The following R3HDM1 variants were observed in gnomAD, a reference collection of about 807,000 sequenced individuals.
The protein encoded by R3HDM1 is R3H domain containing 1, also known as R3H domain-containing protein 1.
A neutral mutation model predicts 141.1 loss-of-function variants in R3HDM1; 46 were observed. The observed-to-expected ratio is 0.33, with a 90% CI of 0.26 to 0.42. The LOEUF is 0.42. Among genes scored for constraint, R3HDM1 ranks in the 10% least tolerant of loss-of-function variants. The probability of loss-of-function intolerance (pLI) is 1.00; values close to 1 mark genes in which losing one functional copy is unlikely to be tolerated. For synonymous variants in R3HDM1, 435 were observed against 472.9 expected, an observed-to-expected ratio of 0.92 and a Z score of 1.04; for missense variants, 1,184 against 1,368.3, an observed-to-expected ratio of 0.87 and a Z score of 2.12.
chr2:135,603,093 T>C (rs981972405), intron 2 of R3HDM1, among the ~76,000 whole-genome samples: 2 of 152,172 alleles, frequency 1.3e-5, no homozygotes, highest in Admixed American at 6.5e-5. Context: ...GCAATTCTCC[T>C]GCCTCAGCCT....
intron 2 of R3HDM1, among the ~76,000 whole-genome samples, chr2:135,604,274 T>C (rs1164664129): frequency 6.6e-6 from 1 of 152,216 alleles, no homozygotes; most frequent in African/African-American, 2.4e-5. Context: ...ATTTTAGGAA[T>C]CCAGATGAAA....
intron 11 of R3HDM1, among the ~76,000 whole-genome samples, chr2:135,637,848 G>A (rs1574578515): frequency 6.6e-6 from 1 of 152,030 alleles, no homozygotes; most frequent in Non-Finnish European, 1.5e-5. Context: ...TTCTGTAAAG[G>A]TCAGATAATA....
chr2:135,650,560 C>T (rs1354922352), intron 17 of R3HDM1: 1 of 982,464 alleles, frequency 1.0e-6, no homozygotes, highest in African/African-American at 1.7e-5. Flanking sequence ...TCCAAGGTGA[C>T]TCTGAGAGTG....
chr2:135,546,258 A>G (rs2104911669), intron 1 of R3HDM1, among the ~76,000 whole-genome samples: 1 of 152,280 alleles, frequency 6.6e-6, no homozygotes, highest in East Asian at 1.9e-4. Context: ...GGAAGGCGAT[A>G]GGCAGGGGAG....
At chr2:135,665,798 G>C (rs1283172637) in intron 19 of R3HDM1, among the ~76,000 whole-genome samples, 1 of 152,066 alleles carries the variant, frequency 6.6e-6, no homozygotes, top group South Asian at 2.1e-4. Context: ...TCTCCCTATT[G>C]CTACACAACT....
intron 2 of R3HDM1, among the ~76,000 whole-genome samples, chr2:135,604,050 T>G (rs1215792786): frequency 6.6e-6 from 1 of 152,240 alleles, no homozygotes; most frequent in Non-Finnish European, 1.5e-5. Flanking sequence ...TCTTATGTAT[T>G]TGATTTCCTG....
At chr2:135,657,431 C>A (rs1269728979) in intron 18 of R3HDM1, among the ~76,000 whole-genome samples, 4 of 150,440 alleles carry the variant, frequency 2.7e-5, no homozygotes, top group Non-Finnish European at 1.5e-5. Flanking sequence ...AAAAAAGATA[C>A]GTTTTTTAAT....
chr2:135,652,879 G>A (rs183098915), intron 18 of R3HDM1, among the ~76,000 whole-genome samples: 39 of 151,888 alleles, frequency 2.6e-4, no homozygotes, highest in South Asian at 8.3e-4. Context: ...CTTTGTTTCC[G>A]TTTCATGTTT....
intron 22 of R3HDM1, 44 bp from the exon 23 acceptor site, chr2:135,710,015 T>C: frequency 6.4e-7 from 1 of 1,559,108 alleles, no homozygotes; most frequent in Non-Finnish European, 8.7e-7. Flanking sequence ...ACCAACTAGT[T>C]GCTAAAATAT....
intron 21 of R3HDM1, among the ~76,000 whole-genome samples, chr2:135,702,985 G>A (rs555439445): frequency 6.6e-6 from 1 of 152,040 alleles, no homozygotes; most frequent in African/African-American, 2.4e-5. Flanking sequence ...CTGCTAATAC[G>A]CTGCTTGATG....
intron 6 of R3HDM1, 110 bp downstream of exon 6, chr2:135,621,718 A>G: frequency 7.4e-7 from 1 of 1,342,372 alleles, no homozygotes. Flanking sequence ...ATGACACAGA[A>G]CAGACTGGAA....
chr2:135,594,692 AATGT>A (rs1710165493), intron 1 of R3HDM1, among the ~76,000 whole-genome samples: 1 of 152,178 alleles, frequency 6.6e-6, no homozygotes. Context: ...ATCTTAGGAT[AATGT>A]ATACATTTCA....
chr2:135,559,082 T>C (rs1410253465), intron 1 of R3HDM1: 3 of 953,670 alleles, frequency 3.1e-6, no homozygotes, highest in African/African-American at 1.8e-5. Context: ...TGTGTGTGTG[T>C]GTGTGTGTGT....
intron 18 of R3HDM1, among the ~76,000 whole-genome samples, chr2:135,657,010 G>T (rs561958518): frequency 2.6e-5 from 4 of 152,012 alleles, no homozygotes; most frequent in South Asian, 2.1e-4. Flanking sequence ...TGAGGCACAA[G>T]AATTGCTTGA....
At chr2:135,626,882 G>C (rs1391971606) in intron 7 of R3HDM1, among the ~76,000 whole-genome samples, 1 of 152,044 alleles carries the variant, frequency 6.6e-6, no homozygotes, top group Non-Finnish European at 1.5e-5. Context: ...CCCTGTTCTG[G>C]ACATCTCATA....
At chr2:135,549,669 A>G (rs569528571) in intron 1 of R3HDM1, among the ~76,000 whole-genome samples, 20 of 151,778 alleles carry the variant, frequency 1.3e-4, no homozygotes, top group African/African-American at 4.8e-4. Flanking sequence ...AGTTCCTTTT[A>G]TATGATATAT....
At chr2:135,668,813 G>A (rs576027025) in intron 19 of R3HDM1, among the ~76,000 whole-genome samples, 1 of 152,298 alleles carries the variant, frequency 6.6e-6, no homozygotes, top group Admixed American at 6.5e-5. Context: ...AAGACAGCCA[G>A]TATCTATGAA....
intron 1 of R3HDM1, chr2:135,550,303 TTA>T: frequency 1.1e-6 from 1 of 890,830 alleles, no homozygotes; most frequent in East Asian, 1.2e-4. Flanking sequence ...GGAAATTTCT[TTA>T]TGCCTTTTCT....
At chr2:135,608,585 T>G (rs1220117999) in intron 3 of R3HDM1, among the ~76,000 whole-genome samples, 1 of 152,180 alleles carries the variant, frequency 6.6e-6, no homozygotes, top group Non-Finnish European at 1.5e-5. Flanking sequence ...TGTTTTGTTT[T>G]AAAAAGTCTG....
Sources: allele counts gnomAD v4.1 joint callset (sites outside exome capture counted in the v4.1 genomes callset), GRCh38; gene constraint gnomAD v4.1.1; transcripts MANE v1.5; gene names NCBI Gene and HGNC (gene_info 2026-07-23, HGNC 2026-07-21).